The following HOPX variants were observed in gnomAD, a reference collection of about 807,000 sequenced individuals.
HOPX encodes HOP homeobox.
HOPX carries 5 observed loss-of-function variants against 11.8 expected under a neutral mutation model. The ratio of observed to expected loss-of-function variants is 0.43; its 90% CI spans 0.22 to 0.89. HOPX has a LOEUF of 0.89. Ranked by LOEUF, HOPX falls within the 40% of genes least tolerant of loss-of-function variation. The pLI is 0.28. For missense variants in HOPX, 119 were observed against 120.0 expected (o/e 0.99, Z 0.04); for synonymous variants, 49 against 49.7 (o/e 0.99, Z 0.06).
chr4:56,675,928 A>T (rs950028822), intron 1 of HOPX, among the ~76,000 whole-genome samples: 1 of 151,796 alleles, frequency 6.6e-6, no homozygotes, highest in Non-Finnish European at 1.5e-5. Flanking sequence ...TCCAAGCCAT[A>T]GGTCATCCTT....
chr4:56,668,553 T>TG (rs1438344608), intron 1 of HOPX, among the ~76,000 whole-genome samples: 1 of 152,166 alleles, frequency 6.6e-6, no homozygotes, highest in African/African-American at 2.4e-5. Flanking sequence ...CTGTTCTTTT[T>TG]TTAGTTTTTT....
intron 1 of HOPX, among the ~76,000 whole-genome samples, chr4:56,674,916 T>TAAAAA (rs33940899): frequency 2.5e-5 from 3 of 121,740 alleles, no homozygotes; most frequent in African/African-American, 9.7e-5. Context: ...TCTGGCTAAC[T>TAAAAA]AAAAAAAAAA....
intron 3 of HOPX, chr4:56,650,117 T>A (rs979459391): frequency 6.5e-6 from 1 of 154,964 alleles, no homozygotes; most frequent in Non-Finnish European, 1.5e-5. Context: ...CCCTGGGCTC[T>A]GCCAACAGGA....
intron 1 of HOPX, among the ~76,000 whole-genome samples, chr4:56,661,903 C>T (rs183632679): frequency 1.7e-3 from 261 of 152,142 alleles, no homozygotes; most frequent in African/African-American, 5.7e-3. Flanking sequence ...TTACTAAGAC[C>T]CTTTGTCTGT....
intron 3 of HOPX, among the ~76,000 whole-genome samples, chr4:56,651,854 GAGAA>G (rs1717199235): frequency 8.7e-6 from 1 of 114,872 alleles, no homozygotes; most frequent in South Asian, 2.8e-4. Flanking sequence ...AAGGGAGAGA[GAGAA>G]AGAGAGAGAG....
intron 1 of HOPX, among the ~76,000 whole-genome samples, chr4:56,676,280 A>G (rs555786715): frequency 6.6e-6 from 1 of 151,688 alleles, no homozygotes; most frequent in African/African-American, 2.4e-5. Context: ...CCTGGGTGAC[A>G]GTGAGACTCT....
At chr4:56,665,967 G>A (rs952279853) in intron 1 of HOPX, among the ~76,000 whole-genome samples, 8 of 152,116 alleles carry the variant, frequency 5.3e-5, no homozygotes, top group African/African-American at 1.9e-4. Flanking sequence ...TGGTGAAAGG[G>A]GCAGTAGAGC....
chr4:56,666,755 A>T (rs1718460898), intron 1 of HOPX, among the ~76,000 whole-genome samples: 1 of 152,192 alleles, frequency 6.6e-6, no homozygotes, highest in African/African-American at 2.4e-5. Flanking sequence ...CCATTTTGTA[A>T]ACAGGTTGCT....
intron 1 of HOPX, among the ~76,000 whole-genome samples, chr4:56,666,267 C>T (rs1718436169): frequency 1.3e-5 from 2 of 152,154 alleles, no homozygotes; most frequent in African/African-American, 4.8e-5. Context: ...AACGTTACAG[C>T]ATCTGATAGA....
intron 2 of HOPX, 145 bp from the exon 3 acceptor site, chr4:56,656,157 G>A: frequency 8.8e-7 from 1 of 1,142,358 alleles, no homozygotes; most frequent in Non-Finnish European, 1.1e-6. Flanking sequence ...GTCCCCGGTG[G>A]CTGCACGCTG....
chr4:56,677,986 G>A (rs1719104395), intron 1 of HOPX, among the ~76,000 whole-genome samples: 1 of 151,564 alleles, frequency 6.6e-6, no homozygotes. Context: ...GGGAAAAAAA[G>A]GAAGCTTTAG....
intron 2 of HOPX, 47 bp from the exon 3 acceptor site, chr4:56,656,059 G>A: frequency 1.4e-6 from 2 of 1,463,120 alleles, no homozygotes; most frequent in Non-Finnish European, 1.8e-6. Context: ...CGTGGAGCGG[G>A]CGGGACGCAG....
At chr4:56,661,515 A>T (rs1425776532) in intron 1 of HOPX, among the ~76,000 whole-genome samples, 3 of 152,184 alleles carry the variant, frequency 2.0e-5, no homozygotes, top group Non-Finnish European at 4.4e-5. Flanking sequence ...TTAGCTTTAC[A>T]ATATAACGTC....
intron 1 of HOPX, among the ~76,000 whole-genome samples, chr4:56,672,137 C>T (rs1038717462): frequency 6.6e-6 from 1 of 152,048 alleles, no homozygotes; most frequent in Non-Finnish European, 1.5e-5. Flanking sequence ...TTCACTCAAC[C>T]TCATGACTAA....
intron 3 of HOPX, among the ~76,000 whole-genome samples, chr4:56,652,090 T>C (rs1214723244): frequency 1.3e-5 from 2 of 152,154 alleles, no homozygotes; most frequent in Non-Finnish European, 2.9e-5. Flanking sequence ...GAAAAACCCA[T>C]TCTAACATCC....
intron 3 of HOPX, chr4:56,649,417 T>G (rs967739857): frequency 1.3e-5 from 2 of 152,210 alleles, no homozygotes; most frequent in Admixed American, 6.5e-5. Flanking sequence ...CCAAAGGCCT[T>G]CCTCATTGGT....
intron 1 of HOPX, among the ~76,000 whole-genome samples, chr4:56,671,596 A>ATTT (rs368008033): frequency 1.3e-5 from 2 of 151,900 alleles, no homozygotes; most frequent in Non-Finnish European, 2.9e-5. Context: ...TATGGACCTG[A>ATTT]TTTTTTTCCC....
intron 1 of HOPX, among the ~76,000 whole-genome samples, chr4:56,661,494 G>C (rs145819970): frequency 1.2e-3 from 178 of 152,242 alleles, no homozygotes; most frequent in Non-Finnish European, 2.2e-3. Context: ...GGTTTATAGA[G>C]TGTGTGCTGT....
intron 1 of HOPX, among the ~76,000 whole-genome samples, chr4:56,667,154 C>G (rs1221411537): frequency 3.3e-5 from 5 of 152,172 alleles, no homozygotes; most frequent in African/African-American, 1.2e-4. Context: ...CAGTGAATAT[C>G]TATTAAATGC....
Sources: gnomAD v4.1 joint callset for allele counts (sites outside exome capture counted in the v4.1 genomes callset) on GRCh38, gnomAD v4.1.1 for gene constraint, MANE v1.5 for transcripts, NCBI Gene and HGNC (gene_info 2026-07-23, HGNC 2026-07-21) for gene names.